The following ITFG1 variants were observed in gnomAD, a reference collection of about 807,000 sequenced individuals.
The protein encoded by ITFG1 is integrin alpha FG-GAP repeat containing 1, also known as T-cell immunomodulatory protein.
ITFG1 carries 34 observed loss-of-function variants against 81.8 expected under a neutral mutation model. That is an observed-to-expected ratio of 0.42 (90% CI 0.32 to 0.55). The LOEUF (loss-of-function observed/expected upper bound fraction) is 0.55, where lower values mean the gene tolerates loss of function less well. Ranked by LOEUF, ITFG1 falls within the 20% of genes least tolerant of loss-of-function variation. ITFG1 has a pLI of 0.17. For synonymous variants in ITFG1, 285 were observed against 270.6 expected, an observed-to-expected ratio of 1.05 and a Z score of -0.52; for missense variants, 672 against 755.4, an observed-to-expected ratio of 0.89 and a Z score of 1.29.
At chr16:47,343,155 T>C (rs1967806785) in intron 8 of ITFG1, among the ~76,000 whole-genome samples, 3 of 152,202 alleles carry the variant, frequency 2.0e-5, no homozygotes, top group Non-Finnish European at 2.9e-5. Flanking sequence ...CATAGACCAA[T>C]GGAATATAAT....
intron 14 of ITFG1, among the ~76,000 whole-genome samples, chr16:47,198,794 C>T (rs902134303): frequency 4.0e-5 from 6 of 151,856 alleles, no homozygotes; most frequent in Non-Finnish European, 7.4e-5. Context: ...TAGTTTTTAA[C>T]TAAAGGTTTA....
intron 14 of ITFG1, among the ~76,000 whole-genome samples, chr16:47,213,912 C>T (rs1965595001): frequency 6.6e-6 from 1 of 152,162 alleles, no homozygotes; most frequent in African/African-American, 2.4e-5. Flanking sequence ...GTGAGCCATT[C>T]CAGCAAATGA....
Position 47,375,890 on chromosome 16 carries a change from T to G in ITFG1, c.706A>C (p.Ile236Leu). The stretch of plus-strand genomic sequence containing the variant: ...AGATTTCTTACCAAATTTTCCCATA[T>G]TTCAAACTGGAAGGTACTAGTGGTG... ...NATTSTFQFE[I>L]WENLDGNFSV... is the part of the protein sequence containing the mutation. The change falls in exon 7 of 18, where the codon ATA becomes CTA. Residue 236 changes from isoleucine (I) to leucine (L), a missense_variant. Transcript: ENST00000320640. The G allele has an allele frequency of 6.2e-7, 1 of 1,601,858 alleles. No individual in the cohort carries two copies. The highest frequency in any genetic ancestry group is 8.6e-7 in the Non-Finnish European group (1 of 1,169,168).
At chr16:47,426,419 C>T (rs1969021901) in intron 6 of ITFG1, 1 of 150,670 alleles carries the variant, frequency 6.6e-6, no homozygotes, top group Non-Finnish European at 1.5e-5. Context: ...AAAAAATGAA[C>T]CTATAAGTAT....
At chr16:47,266,074 GGAAAATATATAC>G (rs1415309582) in intron 10 of ITFG1, among the ~76,000 whole-genome samples, 3 of 151,976 alleles carry the variant, frequency 2.0e-5, no homozygotes, top group Non-Finnish European at 4.4e-5. Context: ...ATTTTTTCAA[GGAAAATATATAC>G]GAAAATATAT....
chr16:47,270,315 C>A (rs1460554542), intron 10 of ITFG1, among the ~76,000 whole-genome samples: 1 of 152,060 alleles, frequency 6.6e-6, no homozygotes, highest in Non-Finnish European at 1.5e-5. Flanking sequence ...TATCCAATAA[C>A]AAAGGACTTG....
chr16:47,239,949 C>G (rs1965914777), intron 12 of ITFG1, among the ~76,000 whole-genome samples: 1 of 151,962 alleles, frequency 6.6e-6, no homozygotes, highest in South Asian at 2.1e-4. Context: ...TTCTCAGGGT[C>G]TCACCCAACA....
At chr16:47,301,387 TTTTTC>T (rs1172271614) in intron 10 of ITFG1, among the ~76,000 whole-genome samples, 4 of 152,146 alleles carry the variant, frequency 2.6e-5, no homozygotes, top group Middle Eastern at 3.4e-3. Flanking sequence ...CCAATTTTTC[TTTTTC>T]TTTTCTTCTT....
At chr16:47,243,069 T>A (rs1473160525) in intron 12 of ITFG1, among the ~76,000 whole-genome samples, 1 of 152,180 alleles carries the variant, frequency 6.6e-6, no homozygotes, top group African/African-American at 2.4e-5. Context: ...TCCTACAGGA[T>A]ATTCATTACA....
At chr16:47,200,060 C>T (rs994456136) in intron 14 of ITFG1, among the ~76,000 whole-genome samples, 3 of 151,834 alleles carry the variant, frequency 2.0e-5, no homozygotes, top group African/African-American at 7.3e-5. Context: ...GCCTGCTGTT[C>T]ACCTCCTGCT....
intron 8 of ITFG1, among the ~76,000 whole-genome samples, chr16:47,345,313 T>G (rs1266386987): frequency 6.6e-6 from 1 of 151,984 alleles, no homozygotes; most frequent in African/African-American, 2.4e-5. Context: ...GTTTGTTTGT[T>G]TTTTTTAGAC....
chr16:47,429,505 T>C (rs908220500), intron 5 of ITFG1, among the ~76,000 whole-genome samples: 3 of 152,214 alleles, frequency 2.0e-5, no homozygotes, highest in Non-Finnish European at 2.9e-5. Context: ...TTTTGAGGAA[T>C]TGTTGAACTG....
At chr16:47,181,882 C>A (rs868068502) in intron 14 of ITFG1, among the ~76,000 whole-genome samples, 10 of 152,088 alleles carry the variant, frequency 6.6e-5, no homozygotes, top group African/African-American at 2.4e-4. Context: ...TATGACCTTA[C>A]CCCCAACCCT....
chr16:47,307,266 TGTAAGG>T (rs1239666248), intron 10 of ITFG1, among the ~76,000 whole-genome samples: 1 of 152,080 alleles, frequency 6.6e-6, no homozygotes, highest in East Asian at 1.9e-4. Flanking sequence ...AAATTTAGTG[TGTAAGG>T]GTATTTATTA....
intron 14 of ITFG1, among the ~76,000 whole-genome samples, chr16:47,165,426 G>T (rs1459968511): frequency 6.6e-6 from 1 of 152,224 alleles, no homozygotes; most frequent in Non-Finnish European, 1.5e-5. Flanking sequence ...GAACAGCATG[G>T]GCTGCAGAAT....
At chr16:47,298,961 C>T (rs2151558599) in intron 10 of ITFG1, among the ~76,000 whole-genome samples, 1 of 152,112 alleles carries the variant, frequency 6.6e-6, no homozygotes, top group East Asian at 1.9e-4. Flanking sequence ...TGAGTAAAGC[C>T]AGATTGGGGA....
chr16:47,331,671 T>C (rs1189445103), intron 8 of ITFG1, among the ~76,000 whole-genome samples: 1 of 152,092 alleles, frequency 6.6e-6, no homozygotes, highest in Non-Finnish European at 1.5e-5. Flanking sequence ...TAAACATGGG[T>C]TAGTTTAAAA....
intron 14 of ITFG1, among the ~76,000 whole-genome samples, chr16:47,199,168 G>A (rs1011612503): frequency 6.6e-6 from 1 of 152,050 alleles, no homozygotes; most frequent in African/African-American, 2.4e-5. Context: ...CTTGGAAGCT[G>A]AGGCAGGAGA....
intron 6 of ITFG1, among the ~76,000 whole-genome samples, chr16:47,384,788 C>T (rs1238628790): frequency 1.3e-5 from 2 of 152,148 alleles, no homozygotes; most frequent in African/African-American, 2.4e-5. Flanking sequence ...GAGATAAACA[C>T]AAATGATGGC....
Sources: gnomAD v4.1 joint callset for allele counts (sites outside exome capture counted in the v4.1 genomes callset) on GRCh38, gnomAD v4.1.1 for gene constraint, MANE v1.5 for transcripts, NCBI Gene and HGNC (gene_info 2026-07-23, HGNC 2026-07-21) for gene names.